CES5A: variants seen among roughly 807,000 people sequenced by gnomAD.
CES5A encodes the protein carboxylesterase 5.
CES5A carries 67 observed loss-of-function variants against 62.9 expected under a neutral mutation model. The observed-to-expected ratio is 1.07, with a 90% CI of 0.88 to 1.31. The LOEUF is 1.31. Ranked by LOEUF, CES5A falls within the 50% of genes most tolerant of loss-of-function variation. The probability of loss-of-function intolerance (pLI) is 0.00; values close to 1 mark genes in which losing one functional copy is unlikely to be tolerated. For synonymous variants in CES5A, 296 were observed against 280.8 expected (o/e 1.05, Z -0.54); for missense variants, 748 against 708.5 (o/e 1.06, Z -0.63).
At chr16:55,908,634 A>G (rs1314079355) in intron 1 of CES5A, among the ~76,000 whole-genome samples, 1 of 152,210 alleles carries the variant, frequency 6.6e-6, no homozygotes, top group Admixed American at 6.5e-5. Context: ...TGCTGGGATT[A>G]CAAGCGTGAA....
rs943842285 is a variant in CES5A at position 55,885,670 on chromosome 16, C to T, written c.-255-11633G>A. On this transcript the variant is annotated intron_variant, in intron 1 of 12. Transcript: ENST00000518005. ...TCTGCCCTTGTATCCCTGCTACACT[C>T]GTTTGTTAGCTAGGAGCAGCCTGTG... Among the ~76,000 whole-genome samples, 3 of 152,134 alleles carry T rather than the reference C, an allele frequency of 2.0e-5. No individual in the cohort carries two copies. The East Asian group carries it at 5.8e-4, about 29-fold the overall frequency.
intron 10 of CES5A, among the ~76,000 whole-genome samples, chr16:55,851,310 C>T (rs1356983787): frequency 6.6e-6 from 1 of 152,078 alleles, no homozygotes; most frequent in Non-Finnish European, 1.5e-5. Context: ...CAAAAAACAA[C>T]TCAATTCAAA....
At chr16:55,937,115 G>C (rs997529983) in intron 2 of CES5A, among the ~76,000 whole-genome samples, 3 of 152,272 alleles carry the variant, frequency 2.0e-5, no homozygotes, top group South Asian at 4.1e-4. Context: ...ATTTCCGTAT[G>C]TGCTTTGCCT....
chr16:55,907,033 A>G (rs1274232890), intron 1 of CES5A, among the ~76,000 whole-genome samples: 1 of 152,204 alleles, frequency 6.6e-6, no homozygotes, highest in Non-Finnish European at 1.5e-5. Flanking sequence ...TATGCTCAAA[A>G]CAGTTCCTGG....
rs1288478086 is a variant in CES5A, at chr16:55,866,675, AAAATAC to A, written c.552-565_552-560del. Among the ~76,000 whole-genome samples, 71 of 138,772 alleles carry A rather than the reference AAAATAC, an allele frequency of 5.1e-4. 12 individuals carry two copies. Among genetic ancestry groups the A allele is most frequent in the Non-Finnish European group, 9.9e-4 (62 of 62,546 alleles). The allele number at this position is 138,772 out of a possible 152,430, so 91.0% of individuals were successfully genotyped here. The stretch of plus-strand genomic sequence containing the variant: ...GTCTCTGCTAAAAAAAAAAAAAAAA[AAAATAC>A]AAAAAAATTAGCTGGACACGGTGGC... On this transcript the variant is annotated intron_variant, in intron 4 of 12. Coordinates refer to ENST00000290567, the MANE Select transcript of CES5A (RefSeq NM_001143685.2).
chr16:55,909,081 T>C (rs1352480893), intron 1 of CES5A, among the ~76,000 whole-genome samples: 1 of 152,220 alleles, frequency 6.6e-6, no homozygotes, highest in Non-Finnish European at 1.5e-5. Flanking sequence ...GTGATGGGAT[T>C]TGTAACAAGC....
chr16:55,908,820 G>A (rs564366551), intron 1 of CES5A, among the ~76,000 whole-genome samples: 1 of 152,272 alleles, frequency 6.6e-6, no homozygotes, highest in Admixed American at 6.5e-5. Context: ...AATAGGTTGG[G>A]TGCCCCGTGG....
intron 2 of CES5A, among the ~76,000 whole-genome samples, chr16:55,945,349 C>A (rs1403456020): frequency 2.0e-5 from 3 of 152,206 alleles, no homozygotes; most frequent in African/African-American, 4.8e-5. Flanking sequence ...GAATCAGAAG[C>A]AAAGTTAGAA....
At chr16:55,868,158 A>G (rs1293111396) in intron 4 of CES5A, among the ~76,000 whole-genome samples, 1 of 152,186 alleles carries the variant, frequency 6.6e-6, no homozygotes, top group African/African-American at 2.4e-5. Flanking sequence ...TCATCTACCT[A>G]TGATCAAAAC....
At chr16:55,944,937 G>T (rs2142482445) in intron 2 of CES5A, among the ~76,000 whole-genome samples, 1 of 152,352 alleles carries the variant, frequency 6.6e-6, no homozygotes, top group African/African-American at 2.4e-5. Flanking sequence ...TCAAGGGAAA[G>T]AAGGGGGACT....
chr16:55,948,874 A>G (rs2034525291), intron 2 of CES5A, among the ~76,000 whole-genome samples: 1 of 152,200 alleles, frequency 6.6e-6, no homozygotes, highest in South Asian at 2.1e-4. Context: ...AATGACTCCA[A>G]GATTTTTGTC....
At chr16:55,921,217 T>C (rs1216567592) in intron 1 of CES5A, among the ~76,000 whole-genome samples, 1 of 152,068 alleles carries the variant, frequency 6.6e-6, no homozygotes, top group Non-Finnish European at 1.5e-5. Context: ...GAGAAAAAAC[T>C]TCCCCAAATT....
intron 1 of CES5A, among the ~76,000 whole-genome samples, chr16:55,896,582 C>T (rs1489363816): frequency 1.3e-5 from 2 of 152,202 alleles, no homozygotes; most frequent in Non-Finnish European, 2.9e-5. Context: ...TGGACTAAGA[C>T]ATCATCAGAG....
intron 1 of CES5A, among the ~76,000 whole-genome samples, chr16:55,923,999 C>A (rs1334456789): frequency 6.6e-6 from 1 of 151,842 alleles, no homozygotes; most frequent in Non-Finnish European, 1.5e-5. Flanking sequence ...TCCCTAAGAT[C>A]TGGAATAAGA....
intron 4 of CES5A, 97 bp from the exon 5 acceptor site, chr16:55,866,213 G>A: frequency 8.1e-7 from 1 of 1,228,216 alleles, no homozygotes; most frequent in Non-Finnish European, 1.1e-6. Context: ...AGGGGTCAGT[G>A]GGGAGGGGGC....
At chr16:55,870,736 A>G (rs764353799) in intron 3 of CES5A, among the ~76,000 whole-genome samples, 1 of 152,178 alleles carries the variant, frequency 6.6e-6, no homozygotes, top group Non-Finnish European at 1.5e-5. Flanking sequence ...ATTGATTAGA[A>G]AAATTGGGAT....
At chr16:55,919,725 T>C (rs1386898658) in intron 1 of CES5A, among the ~76,000 whole-genome samples, 14 of 152,238 alleles carry the variant, frequency 9.2e-5, no homozygotes, top group Non-Finnish European at 1.8e-4. Flanking sequence ...TGTTTTCCCA[T>C]CTGTTGTCTC....
At position 55,907,986 on chromosome 16, in the gene CES5A, G is replaced by C. The variant is rs1050131231; in HGVS notation, c.-256+17337C>G. On this transcript the variant is annotated intron_variant, in intron 1 of 12. Coordinates refer to the CES5A transcript ENST00000518005. Reference sequence around the variant, plus strand: ...ATTCCTACTCATCCCTCTCAAAACTGTTAGAAAATGGATATGGATATGCCA... The same window carrying C: ...ATTCCTACTCATCCCTCTCAAAACTCTTAGAAAATGGATATGGATATGCCA... 2.6e-5 allele frequency among the ~76,000 whole-genome samples: 4 copies of C among 152,106 alleles called. No homozygotes were observed. In the East Asian group the frequency reaches 7.7e-4, roughly 29 times the overall value.
At chr16:55,933,161 C>T (rs367869986) in intron 2 of CES5A, among the ~76,000 whole-genome samples, 3 of 152,134 alleles carry the variant, frequency 2.0e-5, no homozygotes, top group Non-Finnish European at 2.9e-5. Context: ...GAAGGAGGCA[C>T]GTCATGGGTT....
Sources: allele counts gnomAD v4.1 joint callset (sites outside exome capture counted in the v4.1 genomes callset), GRCh38; gene constraint gnomAD v4.1.1; transcripts MANE v1.5; gene names NCBI Gene and HGNC (gene_info 2026-07-23, HGNC 2026-07-21).